The following ARID2 variants were observed in gnomAD, a reference collection of about 807,000 sequenced individuals.
ARID2 encodes AT-rich interactive domain-containing protein 2.
In ARID2, 32 loss-of-function variants were observed where a neutral mutation model predicts 184.6. That is an observed-to-expected ratio of 0.17 (90% confidence interval 0.13 to 0.23). The LOEUF is 0.23. Among genes scored for constraint, ARID2 ranks in the 10% least tolerant of loss-of-function variants. ARID2 has a pLI of 1.00. For missense variants in ARID2, 1,696 were observed against 2,197.6 expected, an observed-to-expected ratio of 0.77 and a Z score of 4.56; for synonymous variants, 836 against 772.6, an observed-to-expected ratio of 1.08 and a Z score of -1.36.
At chr12:45,861,026 A>G (rs1943737159) in intron 16 of ARID2, 77 bp downstream of exon 16, 1 of 1,303,702 alleles carries the variant, frequency 7.7e-7, no homozygotes, top group South Asian at 2.3e-5. Context: ...TCTGTCATCT[A>G]TAGTTGCATG....
intron 3 of ARID2, among the ~76,000 whole-genome samples, chr12:45,735,459 G>A (rs941547565): frequency 1.4e-5 from 2 of 145,164 alleles, no homozygotes; most frequent in Admixed American, 6.8e-5. Flanking sequence ...GTGTGTGTGT[G>A]TAGACAGGGG....
At chr12:45,735,860 A>C (rs369616956) in intron 3 of ARID2, among the ~76,000 whole-genome samples, 9 of 152,214 alleles carry the variant, frequency 5.9e-5, no homozygotes, top group Non-Finnish European at 1.0e-4. Flanking sequence ...TGAGGTTACA[A>C]ATTTTCCTGA....
intron 3 of ARID2, among the ~76,000 whole-genome samples, chr12:45,737,102 T>C (rs1216252429): frequency 6.6e-6 from 1 of 152,250 alleles, no homozygotes; most frequent in Non-Finnish European, 1.5e-5. Context: ...GTATTCATTA[T>C]GTTGTGAATT....
chr12:45,813,617 AC>A (rs1473438358), intron 4 of ARID2, among the ~76,000 whole-genome samples: 1 of 152,124 alleles, frequency 6.6e-6, no homozygotes, highest in Non-Finnish European at 1.5e-5. Context: ...ATCCAGAGAT[AC>A]TTTTATTGTT....
chr12:45,891,365 A>C (rs972119473), intron 16 of ARID2, among the ~76,000 whole-genome samples: 1 of 152,192 alleles, frequency 6.6e-6, no homozygotes, highest in Non-Finnish European at 1.5e-5. Context: ...TATGTGCTGG[A>C]GGAGTGAGAG....
intron 6 of ARID2, among the ~76,000 whole-genome samples, chr12:45,834,705 A>G (rs1434233915): frequency 6.6e-6 from 1 of 152,166 alleles, no homozygotes; most frequent in Non-Finnish European, 1.5e-5. Flanking sequence ...ACGCCATTGC[A>G]CTCTAGCCTG....
intron 3 of ARID2, among the ~76,000 whole-genome samples, chr12:45,805,003 A>G (rs1565602804): frequency 1.3e-5 from 2 of 151,862 alleles, no homozygotes; most frequent in Non-Finnish European, 2.9e-5. Flanking sequence ...GTATGGGTCC[A>G]TTTCAGTTTG....
chr12:45,899,697 A>ATATATATATATGGTTATATATATATGGT (rs1300440865), intron 20 of ARID2, among the ~76,000 whole-genome samples: 40 of 105,508 alleles, frequency 3.8e-4, no homozygotes, highest in African/African-American at 1.7e-3. Context: ...ATATATGGTT[A>ATATATATATATGGTTATATATATATGGT]TATATATATA....
chr12:45,729,962 G>A (rs1387606319), intron 1 of ARID2, 34 bp downstream of exon 1: 11 of 1,603,786 alleles, frequency 6.9e-6, no homozygotes, highest in South Asian at 1.1e-5. Flanking sequence ...GCGCCGGGGC[G>A]AGCCGGGGCG....
At chr12:45,889,586 AT>A (rs1944258895) in intron 16 of ARID2, among the ~76,000 whole-genome samples, 1 of 152,168 alleles carries the variant, frequency 6.6e-6, no homozygotes, top group Non-Finnish European at 1.5e-5. Context: ...CTCAGTATTT[AT>A]TTGCTTTACA....
intron 16 of ARID2, among the ~76,000 whole-genome samples, chr12:45,885,232 A>C (rs1944166933): frequency 6.6e-6 from 1 of 152,020 alleles, no homozygotes; most frequent in African/African-American, 2.4e-5. Flanking sequence ...TTGTCATAGA[A>C]TATATATATC....
intron 18 of ARID2, among the ~76,000 whole-genome samples, chr12:45,892,851 C>A (rs1944319900): frequency 1.3e-5 from 2 of 151,992 alleles, no homozygotes; most frequent in African/African-American, 4.8e-5. Context: ...AATAACAGAA[C>A]TATAGTGAAA....
intron 16 of ARID2, among the ~76,000 whole-genome samples, chr12:45,890,076 A>C (rs1944270093): frequency 6.6e-6 from 1 of 152,256 alleles, no homozygotes; most frequent in Non-Finnish European, 1.5e-5. Context: ...CAATCAATGA[A>C]TAGCTTTTAT....
At chr12:45,886,430 C>G (rs1944192464) in intron 16 of ARID2, among the ~76,000 whole-genome samples, 1 of 152,194 alleles carries the variant, frequency 6.6e-6, no homozygotes, top group African/African-American at 2.4e-5. Context: ...TGCGGTTTCT[C>G]CAGGAGCACA....
intron 3 of ARID2, among the ~76,000 whole-genome samples, chr12:45,732,897 AT>A (rs1054641374): frequency 6.6e-6 from 1 of 151,884 alleles, no homozygotes; most frequent in South Asian, 2.1e-4. Flanking sequence ...TAGGCTTCCA[AT>A]TTTTTTTAAC....
chr12:45,902,123 A>C (rs1944468095), intron 20 of ARID2, among the ~76,000 whole-genome samples: 1 of 152,234 alleles, frequency 6.6e-6, no homozygotes. Context: ...TCTGTTAAGG[A>C]TATTAGAGTG....
At position 45,836,556 on chromosome 12, in the gene ARID2, A is replaced by C. The variant is rs371094634; in HGVS notation, c.706-33A>C. On this transcript the variant is annotated intron_variant, in intron 6 of 20. Transcript: ENST00000334344. The stretch of plus-strand genomic sequence containing the variant: ...CTAAAGCAATAGAATAGTTGTTTCA[A>C]ATCATGGAGAATTAAATAATTTATC... The C allele has an allele frequency of 1.8e-5, 28 of 1,576,978 alleles. No homozygotes were observed. In the African/African-American group the frequency reaches 3.1e-4, roughly 18 times the overall value.
chr12:45,891,311 C>T (rs1375771610), intron 16 of ARID2, among the ~76,000 whole-genome samples: 1 of 152,172 alleles, frequency 6.6e-6, no homozygotes, highest in Non-Finnish European at 1.5e-5. Context: ...TGACTTTCTT[C>T]AGTTTTGTGT....
intron 3 of ARID2, among the ~76,000 whole-genome samples, chr12:45,783,719 C>T (rs1232357650): frequency 6.6e-6 from 1 of 152,204 alleles, no homozygotes; most frequent in African/African-American, 2.4e-5. Flanking sequence ...CGCTGGCTTG[C>T]CACTCACCTC....
Sources: gnomAD v4.1 joint callset for allele counts (sites outside exome capture counted in the v4.1 genomes callset) on GRCh38, gnomAD v4.1.1 for gene constraint, MANE v1.5 for transcripts, NCBI Gene and HGNC (gene_info 2026-07-23, HGNC 2026-07-21) for gene names.